The following SIGLEC6 variants were observed in gnomAD, a reference collection of about 807,000 sequenced individuals.
The protein encoded by SIGLEC6 is sialic acid binding Ig like lectin 6, also known as sialic acid-binding Ig-like lectin 6.
A neutral mutation model predicts 41.4 loss-of-function variants in SIGLEC6; 31 were observed. That is an observed-to-expected ratio of 0.75 (90% confidence interval 0.56 to 1.01). The LOEUF is 1.01. SIGLEC6 is among the 50% of genes least tolerant of loss of function. SIGLEC6 has a pLI of 0.00. For synonymous variants in SIGLEC6, 217 were observed against 231.0 expected, an observed-to-expected ratio of 0.94 and a Z score of 0.55; for missense variants, 555 against 558.6, an observed-to-expected ratio of 0.99 and a Z score of 0.06.
In SIGLEC6 at chr19:51,529,823, C is replaced by T; in HGVS notation, c.913G>A (p.Glu305Lys). The T allele has an allele frequency of 6.2e-7, 1 of 1,614,152 alleles. No homozygotes were observed. Among genetic ancestry groups the T allele is most frequent in the South Asian group, 1.1e-5 (1 of 91,084 alleles). Residue 305 changes from glutamate (E) to lysine (K), a missense_variant, in exon 5 of 8, where the codon GAG becomes AAG. Coordinates refer to ENST00000425629, the MANE Select transcript of SIGLEC6 (RefSeq NM_001245.7). ...ATPISNTGVL[E>K]LPQVGSAEEG... is the part of the protein sequence containing the mutation. ...TCTGCAGACCCTACTTGAGGCAGCT[C>T]CAGGACCCCGGTATTGGAGATGGGG...
intron 6 of SIGLEC6, 59 bp downstream of exon 6, chr19:51,528,101 C>G (rs1316293757): frequency 6.8e-7 from 1 of 1,469,236 alleles, no homozygotes; most frequent in Non-Finnish European, 9.5e-7. Context: ...TGAGATTCTG[C>G]CACCTGTGTG....
At chr19:51,522,630 C>T (rs1419220440) in intron 7 of SIGLEC6, among the ~76,000 whole-genome samples, 1 of 148,608 alleles carries the variant, frequency 6.7e-6, no homozygotes, top group African/African-American at 2.5e-5. Flanking sequence ...TAATCCCTAA[C>T]CCACAAAAAA....
intron 7 of SIGLEC6, among the ~76,000 whole-genome samples, chr19:51,524,040 A>C (rs1978776553): frequency 6.6e-6 from 1 of 152,214 alleles, no homozygotes; most frequent in African/African-American, 2.4e-5. Flanking sequence ...AAAAGTAGTA[A>C]TATTTTAAAA....
intron 5 of SIGLEC6, chr19:51,529,322 G>GCTT: frequency 4.9e-6 from 1 of 205,892 alleles, no homozygotes; most frequent in South Asian, 9.9e-5. Flanking sequence ...AAGGACCCAG[G>GCTT]CTTCTCTTCC....
chr19:51,529,383 A>C, intron 5 of SIGLEC6: 1 of 325,594 alleles, frequency 3.1e-6, no homozygotes, highest in Non-Finnish European at 5.8e-6. Context: ...GCTGGGACAG[A>C]GCTGCTCTGG....
rs539141057 is a variant in SIGLEC6 at position 51,528,137 on chromosome 19, G to A, written c.1106+23C>T. 138 of 1,601,322 alleles carry A rather than the reference G, an allele frequency of 8.6e-5. No homozygotes were observed. In the South Asian group the frequency reaches 1.5e-3, roughly 17 times the overall value. ...CCCTTCCCACATGAAGTCTTTCTGT[G>A]CCTCCCTGGAGCCCACTCTCACCTG... On this transcript the variant is annotated intron_variant, in intron 6 of 7. Coordinates refer to ENST00000425629, the MANE Select transcript of SIGLEC6 (RefSeq NM_001245.7).
At position 51,518,179 on chromosome 19, in the gene SIGLEC6, A is replaced by T. The variant is rs994075381; in HGVS notation, c.*1903T>A. ...GTTTTCCTTAAAATATCTATATTTC[A>T]CTTTCAGTCTTAAAATGTGTTTTCA... On this transcript the variant is annotated 3_prime_UTR_variant, in exon 8 of 8. Transcript: ENST00000425629. Among the ~76,000 whole-genome samples, 1 of 152,158 alleles carries T rather than the reference A, an allele frequency of 6.6e-6. No individual in the cohort carries two copies. The highest frequency in any genetic ancestry group is 1.5e-5 in the Non-Finnish European group (1 of 68,032).
rs1990677984 is a variant in SIGLEC6 at position 51,518,466 on chromosome 19, A to G, written c.*1616T>C. ...GCAATTCTCCTGCTTCAACCTGCAG[A>G]AGTACCTGGGATTACAGGCAAGTGC... On this transcript the variant is annotated 3_prime_UTR_variant, in exon 8 of 8. Coordinates refer to ENST00000425629, the MANE Select transcript of SIGLEC6 (RefSeq NM_001245.7). Among the ~76,000 whole-genome samples, 1 of 152,154 alleles carries G rather than the reference A, an allele frequency of 6.6e-6. No individual in the cohort carries two copies.
Position 51,531,352 on chromosome 19 carries a change from T to C in SIGLEC6, c.235A>G (p.Asn79Asp), listed in dbSNP as rs1980343397. Reference protein sequence around the residue: ...LEGADVPVATNDPDEEVQEET... With the variant: ...LEGADVPVATDDPDEEVQEET... ...TCCTGCACTTCTTCGTCTGGGTCGT[T>C]TGTGGCCACTGGAACATCAGCCCCT... Residue 79 changes from asparagine (N) to aspartate (D), a missense_variant, in exon 2 of 8, where the codon AAC becomes GAC. Coordinates refer to ENST00000425629, the MANE Select transcript of SIGLEC6 (RefSeq NM_001245.7). 1.2e-6 allele frequency: 2 copies of C among 1,614,102 alleles called. No individual in the cohort carries two copies. Among genetic ancestry groups the C allele is most frequent in the African/African-American group, 1.3e-5 (1 of 75,020 alleles).
At position 51,531,473 on chromosome 19, in the gene SIGLEC6, T is replaced by C; in HGVS notation, c.114A>G (p.Ser38=). The change falls in exon 2 of 8, where the codon TCA becomes TCG. Residue 38 remains serine (S), a synonymous_variant. Coordinates refer to ENST00000425629, the MANE Select transcript of SIGLEC6 (RefSeq NM_001245.7). ...ERRFQLEGPE[S]LTVQEGLCVL... The stretch of plus-strand genomic sequence containing the variant: ...CGCACAGACCCTCCTGCACCGTCAG[T>C]GACTCTGGCCCCTCCAGCTGGAATC... 1 of 1,613,982 alleles carries C rather than the reference T, an allele frequency of 6.2e-7. No homozygotes were observed. The highest frequency in any genetic ancestry group is 8.5e-7 in the Non-Finnish European group (1 of 1,179,922).
Position 51,520,270 on chromosome 19 carries a change from A to G in SIGLEC6, c.1189-15T>C. On this transcript the variant is annotated splice_polypyrimidine_tract_variant and intron_variant, in intron 7 of 7. Coordinates refer to ENST00000425629, the MANE Select transcript of SIGLEC6 (RefSeq NM_001245.7). ...TGCTGATGACCCTTAATGGAAGAAA[A>G]GAAAAGATTCAGGGCTGGACAATAG... The G allele has an allele frequency of 6.5e-7, 1 of 1,541,142 alleles. No individual in the cohort carries two copies.
In SIGLEC6 at chr19:51,527,741, A is replaced by T; in HGVS notation, c.1188+6T>A. On this transcript the variant is annotated splice_donor_region_variant and intron_variant, in intron 7 of 7. Transcript: ENST00000425629. Reference sequence around the variant, plus strand: ...CTGAATGGAAATTAAGGTCTCTGTCACTCACCCTGGAGCCTGAGACCATGA... The same window carrying T: ...CTGAATGGAAATTAAGGTCTCTGTCTCTCACCCTGGAGCCTGAGACCATGA... The T allele has an allele frequency of 2.5e-6, 4 of 1,613,062 alleles. No individual in the cohort carries two copies. Among genetic ancestry groups the T allele is most frequent in the Non-Finnish European group, 3.4e-6 (4 of 1,179,174 alleles).
At chr19:51,529,331 C>A (rs1568553436) in intron 5 of SIGLEC6, 5 of 211,264 alleles carry the variant, frequency 2.4e-5, no homozygotes, top group Admixed American at 1.6e-4. Flanking sequence ...GGCTTCTCTT[C>A]CCCCAATTGT....
chr19:51,521,984 G>A (rs1250515636), intron 7 of SIGLEC6, among the ~76,000 whole-genome samples: 1 of 152,178 alleles, frequency 6.6e-6, no homozygotes, highest in African/African-American at 2.4e-5. Flanking sequence ...AAACTGTGGA[G>A]GCAGCAACTG....
chr19:51,529,039 G>A (rs866322600), intron 5 of SIGLEC6, among the ~76,000 whole-genome samples: 8 of 142,882 alleles, frequency 5.6e-5, no homozygotes, highest in African/African-American at 1.5e-4. Flanking sequence ...GGACACAGAC[G>A]CACATGTGGA....
chr19:51,520,488 G>T (rs1010321306), intron 7 of SIGLEC6, among the ~76,000 whole-genome samples: 2 of 152,020 alleles, frequency 1.3e-5, no homozygotes, highest in Non-Finnish European at 2.9e-5. Context: ...ACCTGGGTTC[G>T]AATGAACCTT....
At chr19:51,528,287 A>C in intron 5 of SIGLEC6, 34 bp from the exon 6 acceptor site, 2 of 1,568,616 alleles carry the variant, frequency 1.3e-6, no homozygotes, top group Non-Finnish European at 1.8e-6. Context: ...CTCCAGTTCT[A>C]ATTCCAGGAC....
intron 7 of SIGLEC6, among the ~76,000 whole-genome samples, chr19:51,521,218 A>G (rs1320711358): frequency 9.2e-5 from 14 of 152,208 alleles, no homozygotes; most frequent in Admixed American, 9.2e-4. Flanking sequence ...GAAATTATGT[A>G]ATGATTCCCA....
chr19:51,527,702 C>T, intron 7 of SIGLEC6, 45 bp downstream of exon 7: 1 of 1,566,356 alleles, frequency 6.4e-7, no homozygotes, highest in Non-Finnish European at 8.8e-7. Context: ...GGGCAGCATT[C>T]AAAAGGGATA....
Sources: gnomAD v4.1 joint callset for allele counts (sites outside exome capture counted in the v4.1 genomes callset) on GRCh38, gnomAD v4.1.1 for gene constraint, MANE v1.5 for transcripts, NCBI Gene and HGNC (gene_info 2026-07-23, HGNC 2026-07-21) for gene names.